Variants in EDIL3 observed in about 807,000 individuals in gnomAD.
EDIL3 encodes the protein EGF-like repeat and discoidin I-like domain-containing protein 3.
A neutral mutation model predicts 67.4 loss-of-function variants in EDIL3; 37 were observed. The ratio of observed to expected loss-of-function variants is 0.55; its 90% CI spans 0.42 to 0.72. The LOEUF is 0.72. Among genes scored for constraint, EDIL3 ranks in the 30% least tolerant of loss-of-function variants. The probability of loss-of-function intolerance (pLI) is 0.00; values close to 1 mark genes in which losing one functional copy is unlikely to be tolerated. For synonymous variants in EDIL3, 195 were observed against 196.3 expected, an observed-to-expected ratio of 0.99 and a Z score of 0.05; for missense variants, 527 against 586.3, an observed-to-expected ratio of 0.90 and a Z score of 1.04.
chr5:84,238,759 T>C (rs1420490416), intron 2 of EDIL3, among the ~76,000 whole-genome samples: 2 of 147,862 alleles, frequency 1.4e-5, no homozygotes, highest in Admixed American at 7.0e-5. Context: ...ATTGACAATG[T>C]AATTTTCTTA....
intron 4 of EDIL3, among the ~76,000 whole-genome samples, chr5:84,172,417 A>G (rs1213188578): frequency 6.6e-6 from 1 of 151,968 alleles, no homozygotes; most frequent in African/African-American, 2.4e-5. Context: ...CTCTGACTAT[A>G]TAAAAAATAC....
rs1254927550 is a variant in EDIL3 at position 84,252,813 on chromosome 5, G to T, written c.196+1271C>A. Among the ~76,000 whole-genome samples the T allele has an allele frequency of 2.0e-5, 3 of 151,884 alleles. No individual in the cohort carries two copies. The East Asian group carries it at 5.8e-4, about 29-fold the overall frequency. On this transcript the variant is annotated intron_variant, in intron 2 of 10. Transcript: ENST00000296591. ...ACATATTTGAAGCCTGGGTCAAAGT[G>T]GTTACAACAGTTTTATTTCGATGGC...
At chr5:84,309,316 T>G (rs1289555850) in intron 1 of EDIL3, among the ~76,000 whole-genome samples, 2 of 150,656 alleles carry the variant, frequency 1.3e-5, no homozygotes, top group Admixed American at 1.3e-4. Flanking sequence ...TTTCTTTGTT[T>G]TTTTTTTTTT....
At position 84,036,039 on chromosome 5, in the gene EDIL3, T is replaced by C. The variant is rs1015464558; in HGVS notation, c.1137+24261A>G. Among the ~76,000 whole-genome samples the C allele has an allele frequency of 2.6e-5, 4 of 152,206 alleles. No individual in the cohort carries two copies. The East Asian group carries it at 7.7e-4, about 29-fold the overall frequency. The stretch of plus-strand genomic sequence containing the variant: ...GAGTGGTAAGTGATACTGAGTTATA[T>C]TGCAAACGTGCAAGTTTGGTTAAAA... On this transcript the variant is annotated intron_variant, in intron 9 of 10. Coordinates refer to ENST00000296591, the MANE Select transcript of EDIL3 (RefSeq NM_005711.5).
At chr5:84,242,793 TA>T (rs373595978) in intron 2 of EDIL3, among the ~76,000 whole-genome samples, 426 of 120,822 alleles carry the variant, frequency 3.5e-3, no homozygotes, top group Non-Finnish European at 4.9e-3. Context: ...GACCCTATCT[TA>T]AAAAAAAAAA....
intron 9 of EDIL3, among the ~76,000 whole-genome samples, chr5:84,054,130 C>T (rs968243363): frequency 7.9e-5 from 12 of 152,162 alleles, no homozygotes; most frequent in African/African-American, 2.4e-4. Flanking sequence ...GGGCTTCATC[C>T]CTGGGATGCA....
chr5:84,305,652 C>A (rs1270454675), intron 1 of EDIL3, among the ~76,000 whole-genome samples: 2 of 152,084 alleles, frequency 1.3e-5, no homozygotes, highest in African/African-American at 4.8e-5. Context: ...GGCCAAGACG[C>A]GCGGCTCACA....
chr5:84,171,667 C>A (rs1209954363), intron 4 of EDIL3, among the ~76,000 whole-genome samples: 1 of 152,122 alleles, frequency 6.6e-6, no homozygotes, highest in Admixed American at 6.5e-5. Flanking sequence ...TTATAATAAC[C>A]TATCCCAAGC....
chr5:84,004,444 T>TA (rs796328717), intron 9 of EDIL3, among the ~76,000 whole-genome samples: 13 of 151,138 alleles, frequency 8.6e-5, no homozygotes, highest in South Asian at 2.1e-4. Flanking sequence ...CTTAATAAAT[T>TA]AAAAAAAAAT....
intron 1 of EDIL3, among the ~76,000 whole-genome samples, chr5:84,341,958 C>T (rs1333775732): frequency 6.6e-6 from 1 of 151,990 alleles, no homozygotes; most frequent in Non-Finnish European, 1.5e-5. Context: ...ATCAGGCACA[C>T]TGTGCTATGG....
intron 4 of EDIL3, among the ~76,000 whole-genome samples, chr5:84,141,764 C>T (rs893108995): frequency 6.7e-6 from 1 of 149,134 alleles, no homozygotes; most frequent in South Asian, 2.1e-4. Flanking sequence ...GACTCTTTAT[C>T]GGTATGTCAT....
chr5:84,333,272 A>G (rs1233451947), intron 1 of EDIL3, among the ~76,000 whole-genome samples: 1 of 152,186 alleles, frequency 6.6e-6, no homozygotes, highest in East Asian at 1.9e-4. Flanking sequence ...TTGCATAAGA[A>G]CATTGAACTT....
At chr5:84,296,896 A>C (rs1746061512) in intron 1 of EDIL3, among the ~76,000 whole-genome samples, 1 of 152,178 alleles carries the variant, frequency 6.6e-6, no homozygotes. Context: ...AAAAAAAACC[A>C]AACAGGTCAG....
At chr5:84,055,588 C>T (rs1170625212) in intron 9 of EDIL3, among the ~76,000 whole-genome samples, 1 of 151,836 alleles carries the variant, frequency 6.6e-6, no homozygotes, top group Non-Finnish European at 1.5e-5. Context: ...CCAGAATCTA[C>T]AAAGAACTCA....
At chr5:84,340,528 C>CTA (rs1747084086) in intron 1 of EDIL3, among the ~76,000 whole-genome samples, 17 of 71,546 alleles carry the variant, frequency 2.4e-4, no homozygotes, top group Admixed American at 4.7e-4. Context: ...CTCTCTCTCT[C>CTA]TCTCTCTATA....
intron 1 of EDIL3, among the ~76,000 whole-genome samples, chr5:84,296,595 T>A (rs923163958): frequency 1.3e-5 from 2 of 152,198 alleles, no homozygotes; most frequent in African/African-American, 4.8e-5. Context: ...GAAGTTCAGG[T>A]TGATGTTTTA....
At position 83,960,028 on chromosome 5, in the gene EDIL3, A is replaced by G. The variant is rs571274378; in HGVS notation, c.1293+3177T>C. 2.5e-4 allele frequency among the ~76,000 whole-genome samples: 38 copies of G among 151,132 alleles called. No homozygotes were observed. In the South Asian group the frequency reaches 7.7e-3, roughly 31 times the overall value. On this transcript the variant is annotated intron_variant, in intron 10 of 10. Coordinates refer to ENST00000296591, the MANE Select transcript of EDIL3 (RefSeq NM_005711.5). ...CTTCTTCCCCATAAAAGATTTCCTT[A>G]TGATAATACTAATTACTGAATTTTT...
At chr5:84,265,915 G>T (rs1002132898) in intron 1 of EDIL3, among the ~76,000 whole-genome samples, 1 of 152,162 alleles carries the variant, frequency 6.6e-6, no homozygotes, top group African/African-American at 2.4e-5. Context: ...GTTTCCAACA[G>T]GTGTCAGGTT....
intron 1 of EDIL3, among the ~76,000 whole-genome samples, chr5:84,285,126 T>A (rs765487726): frequency 6.6e-6 from 1 of 152,186 alleles, no homozygotes; most frequent in Non-Finnish European, 1.5e-5. Context: ...ACAGTAAATT[T>A]GAATGTTCTT....
Sources: allele counts gnomAD v4.1 joint callset (sites outside exome capture counted in the v4.1 genomes callset), GRCh38; gene constraint gnomAD v4.1.1; transcripts MANE v1.5; gene names NCBI Gene and HGNC (gene_info 2026-07-23, HGNC 2026-07-21).